Variants in SLC8A1 observed in about 807,000 individuals in gnomAD.
The protein encoded by SLC8A1 is solute carrier family 8 member A1.
SLC8A1 carries 18 observed loss-of-function variants against 68.3 expected under a neutral mutation model. The ratio of observed to expected loss-of-function variants is 0.26; its 90% CI spans 0.18 to 0.39. The LOEUF is 0.39. SLC8A1 is among the 10% of genes least tolerant of loss of function. The pLI is 1.00. For synonymous variants in SLC8A1, 475 were observed against 415.5 expected (o/e 1.14, Z -1.74); for missense variants, 985 against 1,156.7 (o/e 0.85, Z 2.15).
intron 2 of SLC8A1, among the ~76,000 whole-genome samples, chr2:40,359,366 C>G (rs1241240973): frequency 6.6e-6 from 1 of 152,090 alleles, no homozygotes; most frequent in Non-Finnish European, 1.5e-5. Context: ...AAGGTACATA[C>G]ATGACTCATA....
At chr2:40,131,386 T>C (rs918049) in intron 7 of SLC8A1, among the ~76,000 whole-genome samples, 21,631 of 152,178 alleles carry the variant, frequency 0.14, 1,796 homozygotes, top group African/African-American at 0.21. Flanking sequence ...ACACATCTAT[T>C]TGAAGTAGGA....
chr2:40,422,051 T>C (rs1479448785), intron 2 of SLC8A1, among the ~76,000 whole-genome samples: 1 of 151,968 alleles, frequency 6.6e-6, no homozygotes, highest in Non-Finnish European at 1.5e-5. Context: ...GAGTCCTGCC[T>C]GCCCACTCAG....
chr2:40,231,260 A>C (rs919977802), intron 2 of SLC8A1, among the ~76,000 whole-genome samples: 2 of 152,196 alleles, frequency 1.3e-5, no homozygotes, highest in African/African-American at 4.8e-5. Context: ...TGAAGAGTGT[A>C]ATATATGTAT....
At chr2:40,429,387 A>G (rs1171221506) in exon 2 of SLC8A1, 1 of 1,613,898 alleles carries the variant, frequency 6.2e-7, no homozygotes, top group Admixed American at 1.7e-5. Context: ...TTTCAACATG[A>G]GAATTGACCA....
chr2:40,316,775 G>T (rs545113647), intron 2 of SLC8A1, among the ~76,000 whole-genome samples: 2 of 151,870 alleles, frequency 1.3e-5, no homozygotes, highest in Non-Finnish European at 2.9e-5. Flanking sequence ...CCCCCAATTT[G>T]TGTTTTATCT....
At chr2:40,139,795 G>A in intron 6 of SLC8A1, 119 bp from the exon 10 acceptor site, 2 of 1,004,130 alleles carry the variant, frequency 2.0e-6, no homozygotes, top group South Asian at 3.2e-5. Context: ...GGCCATGAGA[G>A]GTGGGTGAAG....
intron 1 of SLC8A1, among the ~76,000 whole-genome samples, chr2:40,457,783 A>G (rs898450797): frequency 1.6e-4 from 24 of 152,350 alleles, no homozygotes; most frequent in African/African-American, 5.8e-4. Flanking sequence ...TTATCAAAAC[A>G]AAGGATAAAT....
At chr2:40,430,497 G>C (rs1698035260) in intron 1 of SLC8A1, among the ~76,000 whole-genome samples, 193 bp from the exon 2 acceptor site, 1 of 152,132 alleles carries the variant, frequency 6.6e-6, no homozygotes, top group Non-Finnish European at 1.5e-5. Flanking sequence ...GACTCCATCA[G>C]TGACTAAGCA....
At chr2:40,194,417 G>A (rs1485661353) in intron 2 of SLC8A1, among the ~76,000 whole-genome samples, 1 of 150,048 alleles carries the variant, frequency 6.7e-6, no homozygotes, top group Non-Finnish European at 1.5e-5. Flanking sequence ...AAGGGTAAAA[G>A]GATAACACTG....
chr2:40,431,396 A>C (rs1216370686), intron 1 of SLC8A1, among the ~76,000 whole-genome samples: 1 of 152,210 alleles, frequency 6.6e-6, no homozygotes, highest in Non-Finnish European at 1.5e-5. Flanking sequence ...TATACACATG[A>C]TGAAGGACTG....
intron 2 of SLC8A1, among the ~76,000 whole-genome samples, chr2:40,394,469 T>G (rs1411438096): frequency 6.6e-6 from 1 of 151,974 alleles, no homozygotes; most frequent in Non-Finnish European, 1.5e-5. Flanking sequence ...GTGTGTGTGG[T>G]GTGTGAGTGA....
intron 4 of SLC8A1, among the ~76,000 whole-genome samples, chr2:40,174,452 A>C (rs1295917642): frequency 1.3e-5 from 2 of 152,170 alleles, no homozygotes; most frequent in African/African-American, 2.4e-5. Flanking sequence ...GGAACTGTAC[A>C]TCATTAGCAC....
intron 2 of SLC8A1, among the ~76,000 whole-genome samples, chr2:40,364,076 T>C (rs1286494160): frequency 6.6e-6 from 1 of 152,104 alleles, no homozygotes; most frequent in African/African-American, 2.4e-5. Flanking sequence ...TTAAAAAGCT[T>C]TTATTTTCTT....
intron 2 of SLC8A1, among the ~76,000 whole-genome samples, chr2:40,316,456 T>C (rs545793367): frequency 2.2e-4 from 34 of 152,090 alleles, no homozygotes; most frequent in Non-Finnish European, 3.1e-4. Context: ...TTTGGTTAAA[T>C]ATTTGATAGA....
At chr2:40,296,524 T>C (rs1184464239) in intron 2 of SLC8A1, among the ~76,000 whole-genome samples, 1 of 152,212 alleles carries the variant, frequency 6.6e-6, no homozygotes, top group African/African-American at 2.4e-5. Context: ...TTTCCCTTTT[T>C]TATTTGTAAT....
intron 2 of SLC8A1, among the ~76,000 whole-genome samples, chr2:40,399,483 T>C (rs1688027371): frequency 1.3e-5 from 2 of 152,088 alleles, no homozygotes; most frequent in South Asian, 2.1e-4. Flanking sequence ...GAAGGAGAAG[T>C]TGGCTGAAGG....
At chr2:40,431,105 GGT>G in intron 1 of SLC8A1, among the ~76,000 whole-genome samples, 1 of 152,240 alleles carries the variant, frequency 6.6e-6, no homozygotes, top group Non-Finnish European at 1.5e-5. Context: ...CTGGGCATCT[GGT>G]TCTTCAAGCA....
At chr2:40,437,296 C>G (rs1699619278) in intron 1 of SLC8A1, among the ~76,000 whole-genome samples, 1 of 152,146 alleles carries the variant, frequency 6.6e-6, no homozygotes, top group East Asian at 1.9e-4. Flanking sequence ...CTTCTTCCCA[C>G]CTGAATAAAT....
At chr2:40,504,759 G>A (rs1706263104) in intron 1 of SLC8A1, among the ~76,000 whole-genome samples, 1 of 151,718 alleles carries the variant, frequency 6.6e-6, no homozygotes, top group African/African-American at 2.4e-5. Context: ...AACTAAATGT[G>A]ATATCTCACC....
Sources: allele counts gnomAD v4.1 joint callset (sites outside exome capture counted in the v4.1 genomes callset), GRCh38; gene constraint gnomAD v4.1.1; transcripts MANE v1.5; gene names NCBI Gene and HGNC (gene_info 2026-07-23, HGNC 2026-07-21).